The following MYO1D variants were observed in gnomAD, a reference collection of about 807,000 sequenced individuals.
MYO1D encodes myosin ID.
Under a neutral mutation model 122.0 loss-of-function variants are expected in MYO1D, and 83 were observed. The ratio of observed to expected loss-of-function variants is 0.68; its 90% CI spans 0.57 to 0.82. The LOEUF is 0.82. MYO1D is among the 40% of genes least tolerant of loss of function. The probability of loss-of-function intolerance (pLI) is 0.00; values close to 1 mark genes in which losing one functional copy is unlikely to be tolerated. For missense variants in MYO1D, 1,157 were observed against 1,269.5 expected, an observed-to-expected ratio of 0.91 and a Z score of 1.35; for synonymous variants, 464 against 446.9, an observed-to-expected ratio of 1.04 and a Z score of -0.48.
intron 21 of MYO1D, among the ~76,000 whole-genome samples, chr17:32,535,752 A>T (rs7215554): frequency 0.61 from 90,168 of 148,392 alleles, 27,579 homozygotes; most frequent in African/African-American, 0.72. Context: ...CTCCATCTCA[A>T]CAAAACAAAA....
intron 21 of MYO1D, among the ~76,000 whole-genome samples, chr17:32,534,677 C>T (rs1374421525): frequency 2.0e-5 from 3 of 152,074 alleles, no homozygotes; most frequent in African/African-American, 4.8e-5. Context: ...CTGAAGAGTG[C>T]GGCGGAAGCT....
chr17:32,712,002 G>A lies in MYO1D; in HGVS notation c.2107C>T (p.Leu703Phe). 6.2e-7 allele frequency: 1 copy of A among 1,613,378 alleles called. No homozygotes were observed. The highest frequency in any genetic ancestry group is 8.5e-7 in the Non-Finnish European group (1 of 1,179,420). Residue 703 changes from leucine (L) to phenylalanine (F), a missense_variant, in exon 16 of 22, where the codon CTC becomes TTC. Transcript: ENST00000318217. ...LRAQMLIRIV[L>F]FLQKVWRGTL... is the part of the protein sequence containing the mutation. Reference sequence around the variant, plus strand: ...TATAAAATTACCTTTTGTAGAAAGAGGACAATCCTTATGAGCATCTGGGCA... The same window carrying A: ...TATAAAATTACCTTTTGTAGAAAGAAGACAATCCTTATGAGCATCTGGGCA...
chr17:32,860,148 C>T (rs77197468), intron 1 of MYO1D, among the ~76,000 whole-genome samples: 4,258 of 152,250 alleles, frequency 0.028, 140 homozygotes, highest in East Asian at 0.19. Context: ...ACTGTTGCAA[C>T]GACCTTCCAC....
intron 21 of MYO1D, among the ~76,000 whole-genome samples, chr17:32,537,788 G>T (rs972397678): frequency 1.2e-4 from 18 of 152,138 alleles, no homozygotes; most frequent in Non-Finnish European, 2.4e-4. Flanking sequence ...ATAAATGTCA[G>T]TTATTGGGTT....
chr17:32,822,037 G>T (rs1291766545), intron 1 of MYO1D, among the ~76,000 whole-genome samples: 1 of 152,118 alleles, frequency 6.6e-6, no homozygotes, highest in East Asian at 1.9e-4. Context: ...TATACCAAAA[G>T]GATTATAAAT....
intron 1 of MYO1D, among the ~76,000 whole-genome samples, chr17:32,823,784 T>C (rs913263726): frequency 6.6e-6 from 1 of 152,086 alleles, no homozygotes; most frequent in Non-Finnish European, 1.5e-5. Flanking sequence ...TAAGAAGTAC[T>C]AGGCTGGGTA....
intron 13 of MYO1D, among the ~76,000 whole-genome samples, chr17:32,743,261 A>T (rs2089792765): frequency 6.6e-6 from 1 of 152,156 alleles, no homozygotes; most frequent in African/African-American, 2.4e-5. Flanking sequence ...AAATACAATC[A>T]ATACACTGAT....
intron 21 of MYO1D, among the ~76,000 whole-genome samples, chr17:32,524,871 C>A (rs1910292317): frequency 6.6e-6 from 1 of 152,000 alleles, no homozygotes; most frequent in South Asian, 2.1e-4. Flanking sequence ...TTGACTAATT[C>A]TTTTAATTTT....
At chr17:32,826,454 G>A (rs2090723631) in intron 1 of MYO1D, among the ~76,000 whole-genome samples, 2 of 152,192 alleles carry the variant, frequency 1.3e-5, no homozygotes, top group Non-Finnish European at 2.9e-5. Context: ...AAGAATAGGA[G>A]CTTAAATATT....
At chr17:32,538,390 T>C (rs978620177) in intron 21 of MYO1D, among the ~76,000 whole-genome samples, 1 of 151,800 alleles carries the variant, frequency 6.6e-6, no homozygotes, top group Non-Finnish European at 1.5e-5. Flanking sequence ...GCTCAAGTGA[T>C]CCTCCTGCCT....
At chr17:32,619,079 T>G (rs1737699811) in intron 20 of MYO1D, among the ~76,000 whole-genome samples, 1 of 151,832 alleles carries the variant, frequency 6.6e-6, no homozygotes, top group South Asian at 2.1e-4. Context: ...TAACTTGGAG[T>G]TCAGTAGTTT....
intron 21 of MYO1D, among the ~76,000 whole-genome samples, chr17:32,583,004 C>G (rs1486385581): frequency 6.6e-6 from 1 of 152,120 alleles, no homozygotes; most frequent in Non-Finnish European, 1.5e-5. Flanking sequence ...TTTTGGAGAT[C>G]TATATTTCCA....
chr17:32,563,466 C>A (rs2087145675), intron 21 of MYO1D, among the ~76,000 whole-genome samples: 1 of 152,078 alleles, frequency 6.6e-6, no homozygotes, highest in South Asian at 2.1e-4. Context: ...ATTCACCCAC[C>A]TCAGCCTCCA....
At chr17:32,507,207 C>T (rs1366819135) in intron 21 of MYO1D, among the ~76,000 whole-genome samples, 1 of 151,768 alleles carries the variant, frequency 6.6e-6, no homozygotes, top group Non-Finnish European at 1.5e-5. Flanking sequence ...TCAAGACCCA[C>T]TTGGGTAGCA....
At chr17:32,755,394 G>T in intron 11 of MYO1D, 98 bp downstream of exon 11, 2 of 1,242,136 alleles carry the variant, frequency 1.6e-6, no homozygotes, top group South Asian at 1.5e-5. Flanking sequence ...TATTAAAGGG[G>T]ACATTCTTTT....
intron 19 of MYO1D, among the ~76,000 whole-genome samples, chr17:32,648,830 T>C (rs1272386123): frequency 3.3e-5 from 5 of 152,260 alleles, no homozygotes; most frequent in Admixed American, 3.3e-4. Flanking sequence ...ATTTGTTTTC[T>C]ATTTGTCCCA....
At chr17:32,742,250 A>T (rs1367206669) in intron 13 of MYO1D, among the ~76,000 whole-genome samples, 2 of 152,192 alleles carry the variant, frequency 1.3e-5, no homozygotes, top group African/African-American at 4.8e-5. Flanking sequence ...AAGGGACTTG[A>T]ACATGTATGG....
chr17:32,574,708 G>A (rs2087262872), intron 21 of MYO1D, among the ~76,000 whole-genome samples: 2 of 152,200 alleles, frequency 1.3e-5, no homozygotes, highest in African/African-American at 4.8e-5. Flanking sequence ...TACAGATTGA[G>A]AAAACAAAAG....
chr17:32,501,204 G>A (rs932752616), intron 21 of MYO1D, among the ~76,000 whole-genome samples: 3 of 152,062 alleles, frequency 2.0e-5, no homozygotes, highest in Admixed American at 6.5e-5. Context: ...TGTGATGATG[G>A]TGATGATGAT....
Sources: allele counts gnomAD v4.1 joint callset (sites outside exome capture counted in the v4.1 genomes callset), GRCh38; gene constraint gnomAD v4.1.1; transcripts MANE v1.5; gene names NCBI Gene and HGNC (gene_info 2026-07-23, HGNC 2026-07-21).